PREPL: variants seen among roughly 807,000 people sequenced by gnomAD.
PREPL encodes prolyl endopeptidase-like.
A neutral mutation model predicts 70.6 loss-of-function variants in PREPL; 77 were observed. The ratio of observed to expected loss-of-function variants is 1.09; its 90% CI spans 0.91 to 1.32. The LOEUF (loss-of-function observed/expected upper bound fraction) is 1.32. Among genes scored for constraint, PREPL ranks in the 40% most tolerant of loss-of-function variants. The pLI is 0.00. For missense variants in PREPL, 1,002 were observed against 778.2 expected (o/e 1.29, Z -3.42); for synonymous variants, 315 against 264.8 (o/e 1.19, Z -1.84).
intron 1 of PREPL, among the ~76,000 whole-genome samples, chr2:44,355,675 C>T (rs1271148549): frequency 1.3e-5 from 2 of 151,704 alleles, no homozygotes; most frequent in Non-Finnish European, 2.9e-5. Flanking sequence ...TCTGATTGCG[C>T]CTACATTTTT....
intron 9 of PREPL, 108 bp downstream of exon 9, chr2:44,328,829 T>C: frequency 7.8e-6 from 9 of 1,160,552 alleles, no homozygotes; most frequent in Non-Finnish European, 7.2e-6. Context: ...AAAAATTGAA[T>C]AATAAGAATG....
intron 5 of PREPL, 68 bp downstream of exon 5, chr2:44,342,349 A>G: frequency 7.1e-7 from 1 of 1,401,322 alleles, no homozygotes; most frequent in Non-Finnish European, 9.6e-7. Flanking sequence ...TAAGTCAACC[A>G]AAGTCAGTAC....
chr2:44,327,840 G>A (rs1673674098), intron 9 of PREPL, among the ~76,000 whole-genome samples: 1 of 151,922 alleles, frequency 6.6e-6, no homozygotes, highest in South Asian at 2.1e-4. Flanking sequence ...TCTAGCCTGG[G>A]AGACAGAGTG....
intron 3 of PREPL, 44 bp from the exon 4 acceptor site, chr2:44,343,995 C>CT: frequency 6.4e-7 from 1 of 1,574,294 alleles, no homozygotes; most frequent in Non-Finnish European, 8.6e-7. Flanking sequence ...AAAGGATGTA[C>CT]TTTAAAAAAT....
intron 1 of PREPL, among the ~76,000 whole-genome samples, chr2:44,349,587 TAAC>T (rs1466107426): frequency 1.3e-5 from 2 of 152,096 alleles, no homozygotes; most frequent in Non-Finnish European, 2.9e-5. Flanking sequence ...ATTAAATTGA[TAAC>T]AAAGAAACTA....
intron 1 of PREPL, chr2:44,359,473 T>C (rs1677423108): frequency 2.0e-6 from 3 of 1,499,138 alleles, no homozygotes; most frequent in Non-Finnish European, 2.8e-6. Flanking sequence ...GACCTACAAA[T>C]AGGTTAACTT....
rs1348862992 is a variant in PREPL at position 44,319,381 on chromosome 2, C to T, written c.*1975G>A. On this transcript the variant is annotated 3_prime_UTR_variant, in exon 14 of 14. Coordinates refer to ENST00000409411, the MANE Select transcript of PREPL (RefSeq NM_001171613.2). ...TTCTGATAATCTATCTTAAGTAATACAAAAATGGGGGGAGGGGAATAAAAA... is the reference window on the plus strand; with the variant it reads ...TTCTGATAATCTATCTTAAGTAATATAAAAATGGGGGGAGGGGAATAAAAA... 6.6e-6 allele frequency: 1 copy of T among 152,342 alleles called. No individual in the cohort carries two copies. The highest frequency in any genetic ancestry group is 1.5e-5 in the Non-Finnish European group (1 of 67,960). 9.4% of individuals were successfully genotyped at this position (152,342 alleles called of 1,614,324 possible). A position where few individuals can be genotyped will look rare whatever the true frequency, so the allele number is the denominator to read the frequency against.
rs1677486629 is a variant in PREPL, at chr2:44,359,878, C to T, written c.-49+1502G>A. The stretch of plus-strand genomic sequence containing the variant: ...CACTTAGGTTATGAATAACTTCAGA[C>T]AGCTGATAACTTAGGCTAACTAAAT... On this transcript the variant is annotated intron_variant, in intron 1 of 13. Coordinates refer to ENST00000409411, the MANE Select transcript of PREPL (RefSeq NM_001171613.2). 5.2e-6 allele frequency: 3 copies of T among 580,768 alleles called. 1 individual carries two copies. The highest frequency in any genetic ancestry group is 1.9e-5 in the African/African-American group (1 of 53,720). 36.0% of individuals were successfully genotyped at this position (580,768 alleles called of 1,614,324 possible).
chr2:44,341,332 C>G (rs929762790), intron 5 of PREPL, among the ~76,000 whole-genome samples: 5 of 152,018 alleles, frequency 3.3e-5, no homozygotes, highest in African/African-American at 9.7e-5. Context: ...TTCACATAGA[C>G]TAGGATCTAT....
intron 7 of PREPL, among the ~76,000 whole-genome samples, chr2:44,334,258 T>C (rs1674413709): frequency 6.6e-6 from 1 of 152,160 alleles, no homozygotes; most frequent in African/African-American, 2.4e-5. Context: ...ATTCCTTAGA[T>C]ACCTGAGAGA....
chr2:44,352,952 A>AAAG (rs1676608295), intron 1 of PREPL, among the ~76,000 whole-genome samples: 1 of 152,200 alleles, frequency 6.6e-6, no homozygotes, highest in Non-Finnish European at 1.5e-5. Context: ...AAGTGTAAGA[A>AAAG]AAGATGCTCA....
rs574404474 is a variant in PREPL at position 44,321,434 on chromosome 2, T to A, written c.1839A>T (p.Gln613His). The A allele has an allele frequency of 3.7e-6, 6 of 1,612,502 alleles. No homozygotes were observed. The African/African-American group carries it at 8.0e-5, about 22-fold the overall frequency. The change falls in exon 14 of 14, where the codon CAA (glutamine) becomes CAT (histidine). Residue 613 changes from glutamine (Q) to histidine (H), a missense_variant. Transcript: ENST00000409411. ...IEDSHKKITAQIKFLYEELGL... is the reference protein window; with the variant it reads ...IEDSHKKITAHIKFLYEELGL... ...CAAGTTCCTCGTACAGGAATTTAAT[T>A]TGGGCTGTAATCTAAAAGAAACACA...
intron 2 of PREPL, among the ~76,000 whole-genome samples, chr2:44,345,659 T>C (rs1026816959): frequency 7.9e-5 from 12 of 152,190 alleles, no homozygotes; most frequent in Non-Finnish European, 8.8e-5. Flanking sequence ...CCTCAATTCA[T>C]TTCGACTGAC....
chr2:44,345,049 A>G (rs1213778060), intron 2 of PREPL, among the ~76,000 whole-genome samples: 1 of 152,228 alleles, frequency 6.6e-6, no homozygotes, highest in African/African-American at 2.4e-5. Flanking sequence ...TGCTGTCACC[A>G]ACAACTATAC....
chr2:44,322,190 T>C (rs1457144779), intron 12 of PREPL, among the ~76,000 whole-genome samples: 2 of 152,084 alleles, frequency 1.3e-5, no homozygotes, highest in African/African-American at 2.4e-5. Context: ...CTGAGAGTCT[T>C]ATGCCCTGGA....
At position 44,329,124 on chromosome 2, in the gene PREPL, G is replaced by A; in HGVS notation, c.1087-12C>T. The A allele has an allele frequency of 6.4e-7, 1 of 1,567,522 alleles. No homozygotes were observed. The highest frequency in any genetic ancestry group is 8.8e-7 in the Non-Finnish European group (1 of 1,141,310). On this transcript the variant is annotated splice_polypyrimidine_tract_variant and intron_variant, in intron 8 of 13. Transcript: ENST00000409411. The stretch of plus-strand genomic sequence containing the variant: ...ACTAATTTTCCATCCTAGAAATGAA[G>A]AATTACTATGTATGTAAAGAAGAGT...
chr2:44,350,652 CT>C (rs1676318268), intron 1 of PREPL, among the ~76,000 whole-genome samples: 1 of 152,072 alleles, frequency 6.6e-6, no homozygotes, highest in African/African-American at 2.4e-5. Flanking sequence ...ATGAAGGAAA[CT>C]TGTTCCTTTC....
In PREPL at chr2:44,323,338, CATTCTTCTA is replaced by C. The variant is rs1321947087; in HGVS notation, c.1544_1552del (p.Leu515_Glu517del). 8 of 1,603,564 alleles carry C rather than the reference CATTCTTCTA, an allele frequency of 5.0e-6. No individual in the cohort carries two copies. The Admixed American group carries it at 5.0e-5, about 10-fold the overall frequency. ...TTTTTCATCAGATGAAGGATTCCCCCATTCTTCTAATTCTTCTAATGTCAGAGGAAGTGT... is the reference window on the plus strand; with the variant it reads ...TTTTTCATCAGATGAAGGATTCCCCCATTCTTCTAATGTCAGAGGAAGTGT... On this transcript the variant is annotated inframe_deletion, in exon 11 of 14. Coordinates refer to ENST00000409411, the MANE Select transcript of PREPL (RefSeq NM_001171613.2).
At chr2:44,323,201 T>C in intron 11 of PREPL, 61 bp downstream of exon 11, 1 of 1,318,558 alleles carries the variant, frequency 7.6e-7, no homozygotes. Context: ...CTTGGATAAG[T>C]TTTTTTTTTA....
Sources: allele counts gnomAD v4.1 joint callset (sites outside exome capture counted in the v4.1 genomes callset), GRCh38; gene constraint gnomAD v4.1.1; transcripts MANE v1.5; gene names NCBI Gene and HGNC (gene_info 2026-07-23, HGNC 2026-07-21).